CTIF: variants seen among roughly 807,000 people sequenced by gnomAD.
CTIF encodes cap binding complex dependent translation initiation factor, also known as CBP80/20-dependent translation initiation factor.
A neutral mutation model predicts 66.0 loss-of-function variants in CTIF; 21 were observed. The observed-to-expected ratio is 0.32, with a 90% CI of 0.23 to 0.46. The LOEUF is 0.46. CTIF is among the 20% of genes least tolerant of loss of function. The pLI is 1.00. For missense variants in CTIF, 739 were observed against 812.7 expected, an observed-to-expected ratio of 0.91 and a Z score of 1.10; for synonymous variants, 345 against 326.4, an observed-to-expected ratio of 1.06 and a Z score of -0.62.
chr18:48,640,184 G>A (rs540989056), intron 3 of CTIF, among the ~76,000 whole-genome samples: 10 of 152,308 alleles, frequency 6.6e-5, no homozygotes, highest in Non-Finnish European at 1.2e-4. Flanking sequence ...ACCAGCTCTC[G>A]GGGACACCAC....
chr18:48,625,800 G>A (rs560575681), intron 2 of CTIF, among the ~76,000 whole-genome samples: 5 of 152,196 alleles, frequency 3.3e-5, no homozygotes, highest in Middle Eastern at 3.4e-3. Context: ...CTGGAAATAC[G>A]TGATACTTCA....
At chr18:48,796,904 T>G (rs2067932691) in intron 9 of CTIF, among the ~76,000 whole-genome samples, 1 of 152,190 alleles carries the variant, frequency 6.6e-6, no homozygotes, top group Non-Finnish European at 1.5e-5. Flanking sequence ...ATCTACAGTT[T>G]CCTTAAGACC....
intron 8 of CTIF, among the ~76,000 whole-genome samples, chr18:48,758,693 G>A (rs1332279064): frequency 6.6e-6 from 1 of 152,208 alleles, no homozygotes; most frequent in Non-Finnish European, 1.5e-5. Flanking sequence ...AGGGAGTAGG[G>A]GGAAGAGATG....
chr18:48,661,337 T>C (rs185986250), intron 3 of CTIF, among the ~76,000 whole-genome samples: 2 of 152,330 alleles, frequency 1.3e-5, no homozygotes, highest in East Asian at 3.9e-4. Flanking sequence ...ATGAACTGCA[T>C]GCTGAGTGAG....
rs140608220 is a variant in CTIF at position 48,679,498 on chromosome 18, G to A, written c.507+8754G>A. On this transcript the variant is annotated intron_variant, in intron 6 of 11. Coordinates refer to ENST00000256413, the MANE Select transcript of CTIF (RefSeq NM_014772.3). Reference sequence around the variant, plus strand: ...GTTTCTTGGCGGGTGGGAGATGGAGGGCAGGGACTGTTGGCTTTCCCCAGC... The same window carrying A: ...GTTTCTTGGCGGGTGGGAGATGGAGAGCAGGGACTGTTGGCTTTCCCCAGC... Among the ~76,000 whole-genome samples the A allele has an allele frequency of 3.0e-3, 458 of 152,258 alleles. 7 individuals carry two copies. The highest frequency in any genetic ancestry group is 0.011 in the African/African-American group (437 of 41,530).
intron 10 of CTIF, among the ~76,000 whole-genome samples, chr18:48,855,811 G>C (rs142489936): frequency 6.6e-6 from 1 of 152,176 alleles, no homozygotes; most frequent in Non-Finnish European, 1.5e-5. Context: ...ACCAGAACCT[G>C]GTACCTTCTT....
At chr18:48,746,618 G>T (rs560816170) in intron 7 of CTIF, among the ~76,000 whole-genome samples, 1 of 151,966 alleles carries the variant, frequency 6.6e-6, no homozygotes, top group Non-Finnish European at 1.5e-5. Flanking sequence ...AGGTCAGAGC[G>T]TGGCAAGATG....
intron 1 of CTIF, among the ~76,000 whole-genome samples, chr18:48,592,140 C>T (rs1033987443): frequency 2.6e-5 from 4 of 152,098 alleles, no homozygotes; most frequent in Non-Finnish European, 5.9e-5. Context: ...ACCTAGATAC[C>T]AGTGAATACC....
At chr18:48,789,429 G>T (rs1414961546) in intron 9 of CTIF, among the ~76,000 whole-genome samples, 3 of 152,190 alleles carry the variant, frequency 2.0e-5, no homozygotes, top group Non-Finnish European at 4.4e-5. Context: ...CTCAATAAGT[G>T]CTCATAATGT....
intron 10 of CTIF, among the ~76,000 whole-genome samples, chr18:48,836,536 A>T (rs2068814362): frequency 6.6e-6 from 1 of 152,156 alleles, no homozygotes; most frequent in African/African-American, 2.4e-5. Context: ...AGTGAGTGAG[A>T]TCCCCAACCA....
At chr18:48,723,291 G>A (rs1258259623) in intron 7 of CTIF, among the ~76,000 whole-genome samples, 2 of 152,140 alleles carry the variant, frequency 1.3e-5, no homozygotes, top group East Asian at 1.9e-4. Context: ...TGAGGGGGCT[G>A]TCATGTCAAA....
At chr18:48,711,571 C>T in intron 6 of CTIF, 48 bp from the exon 7 acceptor site, 2 of 1,493,528 alleles carry the variant, frequency 1.3e-6, no homozygotes, top group South Asian at 1.1e-5. Context: ...GTGCTTTGCT[C>T]TCTTTCAGGA....
In CTIF at chr18:48,860,116, T is replaced by C; in HGVS notation, c.*557T>C. ...CCAGCCGCCCGTAATTGACGGCCTTTGTCAGCCATGGCAGAGCTGACGCTC... is the reference window on the plus strand; with the variant it reads ...CCAGCCGCCCGTAATTGACGGCCTTCGTCAGCCATGGCAGAGCTGACGCTC... On this transcript the variant is annotated 3_prime_UTR_variant, in exon 12 of 12. Transcript: ENST00000256413. 2.7e-6 allele frequency: 1 copy of C among 376,422 alleles called. No homozygotes were observed. The highest frequency in any genetic ancestry group is 1.9e-5 in the South Asian group (1 of 52,550). 23.3% of individuals were successfully genotyped at this position (376,422 alleles called of 1,614,324 possible).
intron 1 of CTIF, among the ~76,000 whole-genome samples, chr18:48,545,220 A>T (rs1369361939): frequency 2.0e-5 from 3 of 152,238 alleles, no homozygotes. Context: ...GGAGATGCAG[A>T]CAGCGCTCAG....
chr18:48,589,553 C>A (rs2089844724), intron 1 of CTIF, among the ~76,000 whole-genome samples: 1 of 152,190 alleles, frequency 6.6e-6, no homozygotes, highest in African/African-American at 2.4e-5. Flanking sequence ...GTCCAACATG[C>A]CTTTTAGGAG....
intron 7 of CTIF, among the ~76,000 whole-genome samples, chr18:48,712,153 T>G (rs2092231523): frequency 6.6e-6 from 1 of 152,182 alleles, no homozygotes; most frequent in Non-Finnish European, 1.5e-5. Flanking sequence ...TTGTCCCTCA[T>G]GCGTGCTGGC....
At chr18:48,782,863 G>A (rs577556875) in intron 9 of CTIF, among the ~76,000 whole-genome samples, 6 of 152,136 alleles carry the variant, frequency 3.9e-5, no homozygotes, top group African/African-American at 1.4e-4. Flanking sequence ...CTGTGGCCCG[G>A]GGCAGCTGCC....
chr18:48,725,440 C>T (rs990582474), intron 7 of CTIF, among the ~76,000 whole-genome samples: 4 of 152,092 alleles, frequency 2.6e-5, no homozygotes, highest in Non-Finnish European at 4.4e-5. Flanking sequence ...GGAGCCTCGG[C>T]GCCCTTTCCG....
rs565021934 is a variant in CTIF at position 48,541,759 on chromosome 18, T to C, written c.-29+2447T>C. Among the ~76,000 whole-genome samples, 5 of 152,278 alleles carry C rather than the reference T, an allele frequency of 3.3e-5. No homozygotes were observed. In the South Asian group the frequency reaches 6.2e-4, roughly 19 times the overall value. On this transcript the variant is annotated intron_variant, in intron 1 of 11. Coordinates refer to ENST00000256413, the MANE Select transcript of CTIF (RefSeq NM_014772.3). Reference sequence around the variant, plus strand: ...TTGTAACACATTCTAGGGCACAGTGTCATCAGTGATTAACAGCTTGCTAGA... The same window carrying C: ...TTGTAACACATTCTAGGGCACAGTGCCATCAGTGATTAACAGCTTGCTAGA...
Sources: gnomAD v4.1 joint callset for allele counts (sites outside exome capture counted in the v4.1 genomes callset) on GRCh38, gnomAD v4.1.1 for gene constraint, MANE v1.5 for transcripts, NCBI Gene and HGNC (gene_info 2026-07-23, HGNC 2026-07-21) for gene names.